The following LTBP1 variants were observed in gnomAD, a reference collection of about 807,000 sequenced individuals.
The protein encoded by LTBP1 is latent transforming growth factor beta binding protein 1, also known as latent-transforming growth factor beta-binding protein 1.
LTBP1 carries 129 observed loss-of-function variants against 207.6 expected under a neutral mutation model. The observed-to-expected ratio is 0.62, with a 90% CI of 0.54 to 0.72. The LOEUF (loss-of-function observed/expected upper bound fraction) is 0.72, where lower values mean the gene tolerates loss of function less well. Ranked by LOEUF, LTBP1 falls within the 30% of genes least tolerant of loss-of-function variation. The pLI is 0.00. For missense variants in LTBP1, 2,281 were observed against 2,217.2 expected (o/e 1.03, Z -0.58); for synonymous variants, 963 against 833.7 (o/e 1.16, Z -2.67).
chr2:33,153,136 T>A (rs1463072608), intron 5 of LTBP1, among the ~76,000 whole-genome samples: 1 of 152,250 alleles, frequency 6.6e-6, no homozygotes, highest in Non-Finnish European at 1.5e-5. Flanking sequence ...TCCAAGGATG[T>A]ACAGTATGTT....
chr2:32,947,801 G>A lies in LTBP1; in HGVS notation c.477G>A (p.Gln159=). The A allele has an allele frequency of 6.8e-7, 1 of 1,464,960 alleles. No individual in the cohort carries two copies. Among genetic ancestry groups the A allele is most frequent in the Non-Finnish European group, 9.1e-7 (1 of 1,103,110 alleles). 90.7% of individuals were successfully genotyped at this position (1,464,960 alleles called of 1,614,324 possible). A position where few individuals can be genotyped will look rare whatever the true frequency, so the allele number is the denominator to read the frequency against. ...GAGGCTCTAGGCTGCAGGTTCACCA[G>A]AAGCAGCAGCTGCAGGGGTAAGCCC... ...SGGGSRLQVH[Q]KQQLQGVNVC... The change falls in exon 1 of 34, where the codon CAG becomes CAA. Residue 159 remains glutamine (Q), a synonymous_variant. Coordinates refer to ENST00000404816, the MANE Select transcript of LTBP1 (RefSeq NM_206943.4).
intron 11 of LTBP1, among the ~76,000 whole-genome samples, chr2:33,255,984 C>G (rs558953781): frequency 5.3e-5 from 8 of 152,158 alleles, no homozygotes; most frequent in Non-Finnish European, 1.2e-4. Flanking sequence ...AGGCCACACA[C>G]TGCCTTACCC....
At chr2:33,173,082 T>A (rs1183622226) in intron 5 of LTBP1, among the ~76,000 whole-genome samples, 4 of 151,764 alleles carry the variant, frequency 2.6e-5, no homozygotes, top group Admixed American at 6.6e-5. Flanking sequence ...CCCTAATATC[T>A]CAATTAAAAG....
intron 24 of LTBP1, among the ~76,000 whole-genome samples, chr2:33,340,439 T>G (rs1266095609): frequency 1.3e-5 from 2 of 152,044 alleles, no homozygotes; most frequent in Non-Finnish European, 2.9e-5. Flanking sequence ...ACACCCACTT[T>G]CAGGCTGCCA....
At chr2:33,064,230 T>C (rs1237544473) in intron 3 of LTBP1, among the ~76,000 whole-genome samples, 1 of 152,214 alleles carries the variant, frequency 6.6e-6, no homozygotes, top group East Asian at 1.9e-4. Flanking sequence ...TATATAGAAA[T>C]ACATTTAATT....
chr2:33,238,067 T>C (rs1314074995), intron 9 of LTBP1, among the ~76,000 whole-genome samples: 3 of 118,090 alleles, frequency 2.5e-5, no homozygotes, highest in Non-Finnish European at 1.7e-5. Context: ...GTCTAAGTGA[T>C]CCTTATTAAA....
chr2:33,139,852 A>G (rs1001302976), intron 5 of LTBP1, among the ~76,000 whole-genome samples: 1 of 152,244 alleles, frequency 6.6e-6, no homozygotes, highest in Non-Finnish European at 1.5e-5. Flanking sequence ...ATGAAAGGTA[A>G]TAATGGTAGA....
chr2:33,245,255 T>G (rs2092471798), intron 10 of LTBP1, among the ~76,000 whole-genome samples: 1 of 152,196 alleles, frequency 6.6e-6, no homozygotes, highest in African/African-American at 2.4e-5. Flanking sequence ...AATTTGCCAT[T>G]TGGTTGACAT....
intron 24 of LTBP1, among the ~76,000 whole-genome samples, chr2:33,325,301 T>C (rs1010450355): frequency 1.3e-5 from 2 of 152,178 alleles, no homozygotes; most frequent in African/African-American, 4.8e-5. Flanking sequence ...CCTATTTGAA[T>C]ATAGAAAGAG....
intron 5 of LTBP1, among the ~76,000 whole-genome samples, chr2:33,168,018 G>A (rs977536167): frequency 1.3e-5 from 2 of 152,116 alleles, no homozygotes; most frequent in Non-Finnish European, 2.9e-5. Flanking sequence ...CGAAGTTTAT[G>A]ATAATATCTA....
At chr2:33,184,278 A>C (rs1359651468) in intron 5 of LTBP1, among the ~76,000 whole-genome samples, 4 of 152,214 alleles carry the variant, frequency 2.6e-5, no homozygotes, top group East Asian at 3.9e-4. Flanking sequence ...AAAATAACTT[A>C]CTGATAACAG....
At chr2:33,084,892 C>T (rs576377393) in intron 3 of LTBP1, among the ~76,000 whole-genome samples, 1 of 152,292 alleles carries the variant, frequency 6.6e-6, no homozygotes, top group Admixed American at 6.5e-5. Flanking sequence ...GGTTTCCAGC[C>T]TTTGGGGGTT....
chr2:33,008,365 A>T (rs1687214242), intron 2 of LTBP1, among the ~76,000 whole-genome samples: 1 of 152,240 alleles, frequency 6.6e-6, no homozygotes, highest in Non-Finnish European at 1.5e-5. Flanking sequence ...AGCCCTTAAA[A>T]ATTTAAGTAT....
rs117764761 is a variant in LTBP1, at chr2:33,254,107, C to T, written c.2167+1263C>T. On this transcript the variant is annotated intron_variant, in intron 11 of 33. Transcript: ENST00000404816. ...ACGGAGTTTGACTGTGTTACTTGATCTCCTGACCTCGTGGTCTGCCGGCCT... is the reference window on the plus strand; with the variant it reads ...ACGGAGTTTGACTGTGTTACTTGATTTCCTGACCTCGTGGTCTGCCGGCCT... Among the ~76,000 whole-genome samples, 56 of 151,920 alleles carry T rather than the reference C, an allele frequency of 3.7e-4. No homozygotes were observed. The East Asian group carries it at 0.01, about 27-fold the overall frequency.
At chr2:33,164,955 A>T (rs1269191336) in intron 5 of LTBP1, among the ~76,000 whole-genome samples, 1 of 152,260 alleles carries the variant, frequency 6.6e-6, no homozygotes, top group Admixed American at 6.5e-5. Flanking sequence ...AAGCAAGTAC[A>T]TAAGAGTGGT....
chr2:33,072,938 T>C (rs1388801427), intron 3 of LTBP1, among the ~76,000 whole-genome samples: 1 of 152,218 alleles, frequency 6.6e-6, no homozygotes, highest in Admixed American at 6.5e-5. Flanking sequence ...CTGTCATGTG[T>C]CCCGAGAGTA....
chr2:33,263,241 C>A, intron 14 of LTBP1, 53 bp from the exon 15 acceptor site: 1 of 1,018,210 alleles, frequency 9.8e-7, no homozygotes. Context: ...AATGGGATCT[C>A]AATGCACATA....
intron 10 of LTBP1, among the ~76,000 whole-genome samples, chr2:33,246,307 C>G (rs1293204622): frequency 6.6e-6 from 1 of 152,112 alleles, no homozygotes; most frequent in African/African-American, 2.4e-5. Flanking sequence ...CCAGTCCAGT[C>G]TGATTTTCAG....
intron 3 of LTBP1, among the ~76,000 whole-genome samples, chr2:33,055,068 G>C (rs993876870): frequency 4.6e-5 from 7 of 152,082 alleles, no homozygotes; most frequent in African/African-American, 7.2e-5. Context: ...TTGTCTGAGG[G>C]CCATGACTAA....
Sources: allele counts gnomAD v4.1 joint callset (sites outside exome capture counted in the v4.1 genomes callset), GRCh38; gene constraint gnomAD v4.1.1; transcripts MANE v1.5; gene names NCBI Gene and HGNC (gene_info 2026-07-23, HGNC 2026-07-21).